The following IFNAR1 variants were observed in gnomAD, a reference collection of about 807,000 sequenced individuals.
IFNAR1 encodes interferon alpha/beta receptor 1.
IFNAR1 carries 47 observed loss-of-function variants against 62.1 expected under a neutral mutation model. The observed-to-expected ratio is 0.76, with a 90% CI of 0.60 to 0.97. The LOEUF (loss-of-function observed/expected upper bound fraction) is 0.97, where lower values mean the gene tolerates loss of function less well. IFNAR1 is among the 50% of genes least tolerant of loss of function. IFNAR1 has a pLI of 0.00. For missense variants in IFNAR1, 638 were observed against 654.5 expected, an observed-to-expected ratio of 0.97 and a Z score of 0.27; for synonymous variants, 219 against 226.9, an observed-to-expected ratio of 0.97 and a Z score of 0.31.
Position 33,349,538 on chromosome 21 carries a change from G to A in IFNAR1, c.1138G>A (p.Ala380Thr). The A allele has an allele frequency of 6.3e-7, 1 of 1,595,958 alleles. No individual in the cohort carries two copies. Among genetic ancestry groups the A allele is most frequent in the East Asian group, 2.2e-5 (1 of 44,782 alleles). ...EIIFWENTSN[A>T]ERKIIEKKTD... Reference sequence around the variant, plus strand: ...TATTTTTTGGGAAAACACTTCAAATGCTGAGGTAAAAAGACTGTATAGTAT... The same window carrying A: ...TATTTTTTGGGAAAACACTTCAAATACTGAGGTAAAAAGACTGTATAGTAT... Residue 380 changes from alanine (A) to threonine (T), a missense_variant, in exon 8 of 11, where the codon GCT becomes ACT. Ala to Thr is a moderately conservative substitution (Grantham distance 58). Coordinates refer to ENST00000270139, the MANE Select transcript of IFNAR1 (RefSeq NM_000629.3).
At chr21:33,351,887 G>A (rs763781249) in intron 8 of IFNAR1, among the ~76,000 whole-genome samples, 2 of 151,984 alleles carry the variant, frequency 1.3e-5, no homozygotes, top group Non-Finnish European at 2.9e-5. Context: ...TGTACAGACA[G>A]AGTCTAGCTA....
chr21:33,338,777 C>T (rs1601857319), intron 2 of IFNAR1, among the ~76,000 whole-genome samples: 2 of 150,040 alleles, frequency 1.3e-5, no homozygotes, highest in South Asian at 4.2e-4. Flanking sequence ...GAGTCTTGCT[C>T]TGTTGCCCAG....
At chr21:33,340,971 T>G in intron 2 of IFNAR1, 28 bp from the exon 3 acceptor site, 1 of 1,443,304 alleles carries the variant, frequency 6.9e-7, no homozygotes, top group Non-Finnish European at 9.7e-7. Context: ...ATTTGCTCAC[T>G]CATTCATTTG....
chr21:33,333,847 TCTC>T (rs553901193), intron 1 of IFNAR1, among the ~76,000 whole-genome samples: 141 of 151,978 alleles, frequency 9.3e-4, no homozygotes, highest in African/African-American at 3.4e-3. Flanking sequence ...ATGGTCTCGA[TCTC>T]CTGACCTCGT....
intron 8 of IFNAR1, 79 bp downstream of exon 8, chr21:33,349,622 T>G: frequency 8.9e-7 from 1 of 1,121,170 alleles, no homozygotes; most frequent in Non-Finnish European, 1.3e-6. Context: ...AATGTAAAAT[T>G]TGGGGGAAAT....
At chr21:33,328,931 GT>G (rs1259091378) in intron 1 of IFNAR1, among the ~76,000 whole-genome samples, 2 of 151,912 alleles carry the variant, frequency 1.3e-5, no homozygotes, top group African/African-American at 4.8e-5. Context: ...TTAATATATT[GT>G]ATGTTAATGT....
chr21:33,330,488 A>C (rs534941287), intron 1 of IFNAR1, among the ~76,000 whole-genome samples: 1 of 152,282 alleles, frequency 6.6e-6, no homozygotes, highest in South Asian at 2.1e-4. Flanking sequence ...TTTATAGCTC[A>C]AGCTGATCCT....
chr21:33,329,380 G>A (rs752895350), intron 1 of IFNAR1, among the ~76,000 whole-genome samples: 1 of 152,012 alleles, frequency 6.6e-6, no homozygotes, highest in Non-Finnish European at 1.5e-5. Flanking sequence ...GGGATGTGAT[G>A]TATTCTATTC....
chr21:33,335,763 T>TA (rs2083228109), intron 2 of IFNAR1, 116 bp downstream of exon 2: 1 of 816,172 alleles, frequency 1.2e-6, no homozygotes, highest in Admixed American at 3.0e-5. Context: ...TTAGAAATGT[T>TA]ACGCCTATTT....
intron 6 of IFNAR1, among the ~76,000 whole-genome samples, chr21:33,345,888 C>T (rs1035770819): frequency 6.6e-6 from 1 of 152,226 alleles, no homozygotes; most frequent in Non-Finnish European, 1.5e-5. Flanking sequence ...TGAGCAGAGG[C>T]TAGCTAAACA....
chr21:33,344,802 T>TTATC (rs2083330018), intron 5 of IFNAR1, among the ~76,000 whole-genome samples: 1 of 148,596 alleles, frequency 6.7e-6, no homozygotes, highest in African/African-American at 2.5e-5. Flanking sequence ...ATTTATTTAT[T>TTATC]TTTGAGACAG....
chr21:33,344,406 G>A (rs8133086), intron 5 of IFNAR1, among the ~76,000 whole-genome samples: 1,695 of 152,050 alleles, frequency 0.011, 35 homozygotes, highest in African/African-American at 0.039. Flanking sequence ...CAGGAGCTGG[G>A]ATTTGTTTAT....
At chr21:33,347,304 A>T (rs2083357904) in intron 6 of IFNAR1, among the ~76,000 whole-genome samples, 1 of 152,040 alleles carries the variant, frequency 6.6e-6, no homozygotes, top group Non-Finnish European at 1.5e-5. Context: ...TAATTTTTGT[A>T]GTTTTAGTAG....
intron 8 of IFNAR1, among the ~76,000 whole-genome samples, 194 bp downstream of exon 8, chr21:33,349,737 C>A (rs2123263232): frequency 6.6e-6 from 1 of 151,968 alleles, no homozygotes; most frequent in South Asian, 2.1e-4. Context: ...CCAGCCTGGG[C>A]AACATAGGGA....
At chr21:33,339,817 A>C (rs2123678549) in intron 2 of IFNAR1, among the ~76,000 whole-genome samples, 1 of 149,746 alleles carries the variant, frequency 6.7e-6, no homozygotes, top group South Asian at 2.2e-4. Flanking sequence ...AATCACAGCT[A>C]GTTGAGAGGC....
chr21:33,327,573 C>T (rs1296325266), intron 1 of IFNAR1, among the ~76,000 whole-genome samples: 3 of 152,180 alleles, frequency 2.0e-5, no homozygotes, highest in Non-Finnish European at 4.4e-5. Flanking sequence ...AGACTGTTTT[C>T]CCAAAGGCCA....
Position 33,352,872 on chromosome 21 carries a change from GT to G in IFNAR1, c.1263del (p.Phe421LeufsTer20). ...TMDEKLNKSS[V>X]FSDAVCEKTK... ...GGATGAAAAGCTGAATAAAAGCAGT[GT>G]TTTTAGTGACGCTGTATGTGAGAAA... On this transcript the variant is annotated frameshift_variant, in exon 9 of 11. Transcript: ENST00000270139. LOFTEE classifies it high-confidence loss of function. The G allele has an allele frequency of 2.5e-6, 4 of 1,601,806 alleles. No individual in the cohort carries two copies. Among genetic ancestry groups the G allele is most frequent in the Non-Finnish European group, 1.7e-6 (2 of 1,171,688 alleles).
In IFNAR1 at chr21:33,343,291, C is replaced by G; in HGVS notation, c.400C>G (p.His134Asp). 6.2e-7 allele frequency: 1 copy of G among 1,612,966 alleles called. No homozygotes were observed. The highest frequency in any genetic ancestry group is 8.5e-7 in the Non-Finnish European group (1 of 1,179,472). Residue 134 changes from histidine to aspartate, a missense_variant, in exon 4 of 11, where the codon CAT becomes GAT. Transcript: ENST00000270139. ...AGCTCAGATTGGTCCTCCAGAAGTA[C>G]ATTTAGAAGCTGAAGATAAGGCAAT... is the stretch of plus-strand genomic sequence containing the variant. ...RKAQIGPPEV[H>D]LEAEDKAIVI...
At position 33,335,642 on chromosome 21, in the gene IFNAR1, T is replaced by C; in HGVS notation, c.195T>C (p.Tyr65=). ...GGAATGTGACTTTTTCATTCGATTA[T>C]CAAAAGTATGTGACTCTACTTACTG... ...SVGNVTFSFD[Y]QKTGMDNWIK... Residue 65 remains tyrosine, a synonymous_variant, in exon 2 of 11, where the codon TAT becomes TAC. Transcript: ENST00000270139. The C allele has an allele frequency of 6.4e-7, 1 of 1,563,024 alleles. No individual in the cohort carries two copies. Among genetic ancestry groups the C allele is most frequent in the Non-Finnish European group, 8.7e-7 (1 of 1,153,830 alleles).
Sources: allele counts gnomAD v4.1 joint callset (sites outside exome capture counted in the v4.1 genomes callset), GRCh38; gene constraint gnomAD v4.1.1; transcripts MANE v1.5; gene names NCBI Gene and HGNC (gene_info 2026-07-23, HGNC 2026-07-21).